Variants in ATAD2B observed in about 807,000 individuals in gnomAD.
ATAD2B encodes ATPase family AAA domain containing 2B.
A neutral mutation model predicts 167.6 loss-of-function variants in ATAD2B; 40 were observed. The ratio of observed to expected loss-of-function variants is 0.24; its 90% CI spans 0.19 to 0.31. The LOEUF is 0.31. Ranked by LOEUF, ATAD2B falls within the 10% of genes least tolerant of loss-of-function variation. ATAD2B has a pLI of 1.00. For missense variants in ATAD2B, 1,242 were observed against 1,757.2 expected (o/e 0.71, Z 5.24); for synonymous variants, 579 against 596.5 (o/e 0.97, Z 0.43).
At chr2:23,871,970 T>C (rs1696051331) in intron 8 of ATAD2B, among the ~76,000 whole-genome samples, 1 of 152,108 alleles carries the variant, frequency 6.6e-6, no homozygotes. Flanking sequence ...CACTGTCTCC[T>C]GGGTTCACGC....
intron 8 of ATAD2B, among the ~76,000 whole-genome samples, chr2:23,873,664 G>T (rs1278407445): frequency 6.6e-6 from 1 of 151,938 alleles, no homozygotes; most frequent in African/African-American, 2.4e-5. Flanking sequence ...AAATATTTTC[G>T]AGGTGTGGTT....
the ATAD2B span, among the ~76,000 whole-genome samples, chr2:23,720,609 G>A: frequency 6.7e-6 from 1 of 148,534 alleles, no homozygotes; most frequent in Admixed American, 6.7e-5. Flanking sequence ...AGAGGGCAGC[G>A]TGGAGGCACC....
At chr2:23,866,274 G>A (rs1373797095) in intron 10 of ATAD2B, among the ~76,000 whole-genome samples, 4 of 152,210 alleles carry the variant, frequency 2.6e-5, no homozygotes, top group South Asian at 2.1e-4. Flanking sequence ...GCGTGGTGGC[G>A]CATGCTTGTA....
chr2:23,888,932 A>T (rs1699075168), intron 2 of ATAD2B, among the ~76,000 whole-genome samples: 1 of 152,214 alleles, frequency 6.6e-6, no homozygotes, highest in Non-Finnish European at 1.5e-5. Flanking sequence ...GGAAGAAGAG[A>T]AATGTAAATC....
At chr2:23,807,934 TATATATAA>T (rs1016398567) in intron 18 of ATAD2B, among the ~76,000 whole-genome samples, 1 of 127,902 alleles carries the variant, frequency 7.8e-6, no homozygotes, top group Non-Finnish European at 1.6e-5. Flanking sequence ...ATATTTATAA[TATATATAA>T]ATATATAAAT....
At chr2:23,896,562 C>A (rs1344647308) in intron 1 of ATAD2B, among the ~76,000 whole-genome samples, 2 of 152,038 alleles carry the variant, frequency 1.3e-5, no homozygotes, top group African/African-American at 4.8e-5. Context: ...TTGTATGACA[C>A]AATCCCTCAG....
At chr2:23,771,057 A>G (rs1209933416) in intron 22 of ATAD2B, among the ~76,000 whole-genome samples, 7 of 152,006 alleles carry the variant, frequency 4.6e-5, no homozygotes, top group Admixed American at 4.6e-4. Context: ...CTTTTGTCAG[A>G]TTTATCTATA....
In ATAD2B at chr2:23,884,943, G is replaced by A. The variant is rs555794560; in HGVS notation, c.676-70C>T. The A allele has an allele frequency of 2.1e-5, 18 of 851,486 alleles. No homozygotes were observed. In the Admixed American group the frequency reaches 6.0e-4, roughly 28 times the overall value. The allele number at this position is 851,486 out of a possible 1,614,324, so 52.7% of individuals were successfully genotyped here. On this transcript the variant is annotated intron_variant, in intron 5 of 27. Coordinates refer to ENST00000238789, the MANE Select transcript of ATAD2B (RefSeq NM_017552.4). ...CTCCACTACAAAAAAACAACCCAAT[G>A]GGACATACCTGCTCAACAAAATTTA... is the stretch of plus-strand genomic sequence containing the variant.
chr2:23,892,966 G>C (rs150820594), intron 2 of ATAD2B, among the ~76,000 whole-genome samples: 27 of 151,968 alleles, frequency 1.8e-4, no homozygotes, highest in African/African-American at 6.5e-4. Flanking sequence ...TGTATATTTG[G>C]GAATTTCTAT....
chr2:23,819,944 C>G, intron 16 of ATAD2B, 62 bp from the exon 17 acceptor site: 2 of 1,214,744 alleles, frequency 1.6e-6, no homozygotes. Flanking sequence ...CGTGCCCTAC[C>G]AAAGCTAAGA....
chr2:23,863,660 TAATTATTAG>T, intron 11 of ATAD2B, 105 bp from the exon 12 acceptor site: 3 of 1,067,876 alleles, frequency 2.8e-6, no homozygotes, highest in Non-Finnish European at 3.9e-6. Flanking sequence ...TATTGAAGTA[TAATTATTAG>T]ACATTGATAA....
intron 7 of ATAD2B, among the ~76,000 whole-genome samples, chr2:23,878,026 A>AAAAAAAAAAAAGC (rs1697257129): frequency 7.7e-6 from 1 of 129,232 alleles, no homozygotes; most frequent in Non-Finnish European, 1.7e-5. Flanking sequence ...AAAAAAAAAA[A>AAAAAAAAAAAAGC]AAAAAAAAAA....
intron 1 of ATAD2B, among the ~76,000 whole-genome samples, chr2:23,917,238 T>C (rs181038541): frequency 2.4e-4 from 36 of 152,324 alleles, no homozygotes; most frequent in Admixed American, 5.9e-4. Flanking sequence ...GGCTCTGGAT[T>C]ACCTCCAAAT....
chr2:23,896,035 G>A (rs913041131), intron 1 of ATAD2B, 65 bp from the exon 2 acceptor site: 20 of 1,390,894 alleles, frequency 1.4e-5, no homozygotes, highest in Non-Finnish European at 1.9e-5. Flanking sequence ...GTTAATACTA[G>A]GGGCCAGGCA....
chr2:23,726,336 C>A, the ATAD2B span, among the ~76,000 whole-genome samples: 4 of 152,108 alleles, frequency 2.6e-5, no homozygotes, highest in Non-Finnish European at 5.9e-5. Flanking sequence ...CTGCTGTTGA[C>A]TAATAGCCTT....
At chr2:23,925,002 C>CGAAT (rs1449556419) in intron 1 of ATAD2B, among the ~76,000 whole-genome samples, 2 of 152,160 alleles carry the variant, frequency 1.3e-5, no homozygotes, top group Non-Finnish European at 2.9e-5. Flanking sequence ...ACAGACTAGG[C>CGAAT]ATTCACATAG....
chr2:23,789,888 T>C (rs17462433), intron 19 of ATAD2B, among the ~76,000 whole-genome samples: 18,323 of 152,122 alleles, frequency 0.12, 1,181 homozygotes, highest in Middle Eastern at 0.22. Context: ...AAGACTAAAT[T>C]ATATAAACTG....
the ATAD2B span, among the ~76,000 whole-genome samples, chr2:23,712,346 T>C: frequency 2.0e-5 from 3 of 152,226 alleles, no homozygotes; most frequent in Non-Finnish European, 2.9e-5. Context: ...TAAAAACACC[T>C]GGTAAGAGTC....
chr2:23,895,710 G>A, intron 2 of ATAD2B, 109 bp downstream of exon 2: 5 of 686,130 alleles, frequency 7.3e-6, no homozygotes, highest in Non-Finnish European at 8.8e-6. Flanking sequence ...TTACTTATAA[G>A]TATTTACAAG....
Sources: allele counts gnomAD v4.1 joint callset (sites outside exome capture counted in the v4.1 genomes callset), GRCh38; gene constraint gnomAD v4.1.1; transcripts MANE v1.5; gene names NCBI Gene and HGNC (gene_info 2026-07-23, HGNC 2026-07-21).